ANXA10: variants seen among roughly 807,000 people sequenced by gnomAD.
The protein encoded by ANXA10 is annexin A10.
A neutral mutation model predicts 53.5 loss-of-function variants in ANXA10; 49 were observed. The ratio of observed to expected loss-of-function variants is 0.92; its 90% CI spans 0.73 to 1.16. ANXA10 has a LOEUF of 1.16. Among genes scored for constraint, ANXA10 ranks in the 50% most tolerant of loss-of-function variants. The pLI is 0.00. For synonymous variants in ANXA10, 131 were observed against 128.9 expected (o/e 1.02, Z -0.11); for missense variants, 393 against 394.4 (o/e 1.00, Z 0.03).
At chr4:168,184,370 G>C (rs1279697392) in intron 10 of ANXA10, among the ~76,000 whole-genome samples, 189 bp from the exon 11 acceptor site, 2 of 152,216 alleles carry the variant, frequency 1.3e-5, no homozygotes, top group African/African-American at 4.8e-5. Context: ...TCAGCATGCG[G>C]TAAGGGAGAG....
chr4:168,148,063 T>C (rs1731433469), intron 3 of ANXA10, among the ~76,000 whole-genome samples: 1 of 152,198 alleles, frequency 6.6e-6, no homozygotes. Context: ...ACTGACCCCA[T>C]GTGTTTCAGC....
At chr4:168,099,513 A>ATT (rs1428610713) in intron 1 of ANXA10, among the ~76,000 whole-genome samples, 3 of 152,146 alleles carry the variant, frequency 2.0e-5, no homozygotes, top group African/African-American at 7.2e-5. Flanking sequence ...TAGATTCATG[A>ATT]ACCCTCAGTG....
At chr4:168,107,100 A>C (rs148676858) in intron 1 of ANXA10, among the ~76,000 whole-genome samples, 13 of 152,312 alleles carry the variant, frequency 8.5e-5, no homozygotes, top group Admixed American at 3.3e-4. Flanking sequence ...GTATCCTGTA[A>C]AATTATCACA....
intron 1 of ANXA10, among the ~76,000 whole-genome samples, chr4:168,097,608 A>C (rs1730572516): frequency 6.6e-6 from 1 of 152,084 alleles, no homozygotes; most frequent in Non-Finnish European, 1.5e-5. Context: ...AAAAAAAATT[A>C]AGCCTTGCTA....
chr4:168,176,492 C>T (rs1462379496), intron 6 of ANXA10, among the ~76,000 whole-genome samples: 1 of 152,140 alleles, frequency 6.6e-6, no homozygotes, highest in African/African-American at 2.4e-5. Context: ...GGAACACTGT[C>T]CCTGCCATGG....
intron 6 of ANXA10, among the ~76,000 whole-genome samples, chr4:168,169,319 C>T (rs895355703): frequency 2.0e-5 from 3 of 152,152 alleles, no homozygotes; most frequent in Non-Finnish European, 2.9e-5. Flanking sequence ...AGTTTCCACT[C>T]AGAGATTCTT....
chr4:168,157,679 G>C (rs1412477924), intron 3 of ANXA10, among the ~76,000 whole-genome samples: 1 of 152,048 alleles, frequency 6.6e-6, no homozygotes, highest in Non-Finnish European at 1.5e-5. Flanking sequence ...CCTTATAGAT[G>C]AATTTTTGCT....
intron 6 of ANXA10, among the ~76,000 whole-genome samples, chr4:168,176,094 A>ATG (rs144370582): frequency 1.4e-3 from 220 of 151,724 alleles, no homozygotes; most frequent in African/African-American, 5.1e-3. Flanking sequence ...TGGTAGAGAG[A>ATG]TGTGTGTGTG....
At chr4:168,166,144 AG>A (rs1392226514) in intron 6 of ANXA10, among the ~76,000 whole-genome samples, 2 of 152,232 alleles carry the variant, frequency 1.3e-5, no homozygotes. Context: ...AGAAAAGAAT[AG>A]AGAATCACAA....
intron 6 of ANXA10, among the ~76,000 whole-genome samples, chr4:168,174,533 T>C (rs1732080539): frequency 6.6e-6 from 1 of 152,050 alleles, no homozygotes; most frequent in African/African-American, 2.4e-5. Context: ...GCAAGGCAAA[T>C]GCAGCCCAAC....
chr4:168,121,268 T>C (rs184889445), intron 1 of ANXA10, among the ~76,000 whole-genome samples: 9 of 152,252 alleles, frequency 5.9e-5, no homozygotes. Context: ...TATTTTTCAC[T>C]TGAAGATTAG....
chr4:168,102,421 A>G (rs184566997), intron 1 of ANXA10, among the ~76,000 whole-genome samples: 509 of 152,204 alleles, frequency 3.3e-3, no homozygotes, highest in Middle Eastern at 6.8e-3. Flanking sequence ...CCAAACTCCA[A>G]ACTCTGGCAA....
rs72987498 is a variant in ANXA10, at chr4:168,177,197, C to T, written c.481-543C>T. Among the ~76,000 whole-genome samples, 1,012 of 152,300 alleles carry T rather than the reference C, an allele frequency of 6.6e-3. 8 individuals carry two copies. Among genetic ancestry groups the T allele is most frequent in the African/African-American group, 0.023 (955 of 41,568 alleles). ...AATCAATGGACCCTGCATTGGTTAGCGCCCCTTCCCTCCTGTTTGAAATGA... is the reference window on the plus strand; with the variant it reads ...AATCAATGGACCCTGCATTGGTTAGTGCCCCTTCCCTCCTGTTTGAAATGA... On this transcript the variant is annotated intron_variant, in intron 6 of 11. Transcript: ENST00000359299.
At chr4:168,156,004 TTA>T (rs1201906338) in intron 3 of ANXA10, among the ~76,000 whole-genome samples, 1 of 48,570 alleles carries the variant, frequency 2.1e-5, no homozygotes, top group African/African-American at 8.8e-5. Flanking sequence ...ATAATTTATA[TTA>T]TATGTTATAT....
At chr4:168,139,670 C>T in intron 3 of ANXA10, 90 bp downstream of exon 3, 1 of 855,624 alleles carries the variant, frequency 1.2e-6, no homozygotes, top group Non-Finnish European at 1.8e-6. Context: ...TTTTCAATCT[C>T]ACAGATTGCA....
chr4:168,154,493 G>A (rs901778862), intron 3 of ANXA10, among the ~76,000 whole-genome samples: 3 of 152,058 alleles, frequency 2.0e-5, no homozygotes, highest in Non-Finnish European at 4.4e-5. Context: ...ATAAAGCAGT[G>A]GTGGCCAGGA....
intron 1 of ANXA10, among the ~76,000 whole-genome samples, chr4:168,096,859 T>A (rs1342139123): frequency 6.8e-6 from 1 of 147,190 alleles, no homozygotes; most frequent in Non-Finnish European, 1.5e-5. Flanking sequence ...AGCTGCCCAA[T>A]GCACTGCTTC....
At chr4:168,119,998 C>T (rs557338498) in intron 1 of ANXA10, among the ~76,000 whole-genome samples, 8 of 151,916 alleles carry the variant, frequency 5.3e-5, no homozygotes, top group South Asian at 4.2e-4. Context: ...ATTTACAAAA[C>T]GGGGAATAAT....
intron 6 of ANXA10, 107 bp from the exon 7 acceptor site, chr4:168,177,633 G>C: frequency 9.3e-7 from 1 of 1,081,058 alleles, no homozygotes; most frequent in African/African-American, 1.6e-5. Flanking sequence ...AATAAAAGAA[G>C]TTCCTTAGGA....
Sources: allele counts gnomAD v4.1 joint callset (sites outside exome capture counted in the v4.1 genomes callset), GRCh38; gene constraint gnomAD v4.1.1; transcripts MANE v1.5; gene names NCBI Gene and HGNC (gene_info 2026-07-23, HGNC 2026-07-21).